Variants in FOXJ3 observed in about 807,000 individuals in gnomAD.
The protein encoded by FOXJ3 is forkhead box J3.
Under a neutral mutation model 76.1 loss-of-function variants are expected in FOXJ3, and 22 were observed. That is an observed-to-expected ratio of 0.29 (90% CI 0.21 to 0.41). FOXJ3 has a LOEUF of 0.41. FOXJ3 is among the 10% of genes least tolerant of loss of function. The pLI is 1.00. For missense variants in FOXJ3, 613 were observed against 762.1 expected (o/e 0.80, Z 2.30); for synonymous variants, 269 against 261.2 (o/e 1.03, Z -0.29).
At chr1:42,271,975 T>C (rs1292967518) in intron 3 of FOXJ3, among the ~76,000 whole-genome samples, 1 of 152,314 alleles carries the variant, frequency 6.6e-6, no homozygotes, top group African/African-American at 2.4e-5. Context: ...TTCCTTTTCC[T>C]CTAGTTCAGA....
intron 2 of FOXJ3, among the ~76,000 whole-genome samples, chr1:42,293,507 CAAT>C (rs1486852774): frequency 6.6e-6 from 1 of 152,116 alleles, no homozygotes. Flanking sequence ...ATCTGAAAAG[CAAT>C]AATAATAATC....
chr1:42,255,292 A>G (rs1250261943), intron 4 of FOXJ3, among the ~76,000 whole-genome samples: 3 of 152,132 alleles, frequency 2.0e-5, no homozygotes, highest in Non-Finnish European at 4.4e-5. Context: ...AGGGTAGTAT[A>G]ATATTACCTC....
intron 1 of FOXJ3, among the ~76,000 whole-genome samples, chr1:42,327,528 A>G (rs181503714): frequency 6.6e-6 from 1 of 152,316 alleles, no homozygotes; most frequent in African/African-American, 2.4e-5. Context: ...ACCTACTTCC[A>G]TCATATTGAA....
chr1:42,287,327 G>A (rs1653124406), intron 2 of FOXJ3, among the ~76,000 whole-genome samples: 1 of 151,970 alleles, frequency 6.6e-6, no homozygotes, highest in Non-Finnish European at 1.5e-5. Flanking sequence ...GTGACAGAGT[G>A]AGACTCCATC....
intron 2 of FOXJ3, chr1:42,280,489 T>A (rs1204032688): frequency 3.0e-5 from 27 of 896,420 alleles, no homozygotes; most frequent in African/African-American, 6.0e-5. Context: ...CTCTACAATC[T>A]CAACCAGAAA....
chr1:42,243,529 A>C (rs1444585692), intron 4 of FOXJ3, among the ~76,000 whole-genome samples: 1 of 152,336 alleles, frequency 6.6e-6, no homozygotes, highest in South Asian at 2.1e-4. Flanking sequence ...GCCTACAAGA[A>C]ACTTGCTTCA....
intron 7 of FOXJ3, among the ~76,000 whole-genome samples, chr1:42,198,621 C>G (rs1324363860): frequency 5.3e-5 from 8 of 152,218 alleles, no homozygotes; most frequent in Non-Finnish European, 7.3e-5. Flanking sequence ...CCCTTTATAG[C>G]ATGGCTTTTC....
intron 4 of FOXJ3, among the ~76,000 whole-genome samples, chr1:42,230,627 G>C (rs1225386286): frequency 1.3e-5 from 2 of 152,156 alleles, no homozygotes; most frequent in African/African-American, 4.8e-5. Context: ...TTTTCCACTA[G>C]TGGCATCATG....
chr1:42,243,020 G>C (rs958072863), intron 4 of FOXJ3, among the ~76,000 whole-genome samples: 6 of 152,184 alleles, frequency 3.9e-5, no homozygotes, highest in African/African-American at 1.4e-4. Flanking sequence ...CAGACCAGGA[G>C]AGAATGGGAT....
chr1:42,210,653 C>T (rs1646950065), intron 5 of FOXJ3, among the ~76,000 whole-genome samples: 1 of 152,082 alleles, frequency 6.6e-6, no homozygotes, highest in South Asian at 2.1e-4. Flanking sequence ...AGAAAGCCAA[C>T]ACAAGCTGGC....
At chr1:42,286,965 C>A (rs907796244) in intron 2 of FOXJ3, among the ~76,000 whole-genome samples, 1 of 151,816 alleles carries the variant, frequency 6.6e-6, no homozygotes, top group Non-Finnish European at 1.5e-5. Flanking sequence ...TGGAGACCAA[C>A]AATATTTCTT....
chr1:42,252,668 G>A (rs1398879551), intron 4 of FOXJ3, among the ~76,000 whole-genome samples: 1 of 150,912 alleles, frequency 6.6e-6, no homozygotes, highest in African/African-American at 2.4e-5. Context: ...CCTTCTGCTA[G>A]CTTTTGAATG....
At chr1:42,315,040 T>C (rs1242988169) in intron 1 of FOXJ3, among the ~76,000 whole-genome samples, 2 of 152,190 alleles carry the variant, frequency 1.3e-5, no homozygotes, top group Non-Finnish European at 2.9e-5. Flanking sequence ...TGCTACCACA[T>C]AAATGAACCT....
intron 4 of FOXJ3, among the ~76,000 whole-genome samples, chr1:42,252,570 C>A (rs1049823147): frequency 1.3e-5 from 2 of 151,386 alleles, no homozygotes; most frequent in African/African-American, 4.8e-5. Flanking sequence ...TTTCAAAAAA[C>A]CAGCTCCTGG....
intron 2 of FOXJ3, among the ~76,000 whole-genome samples, chr1:42,295,098 A>G (rs1448841872): frequency 6.6e-6 from 1 of 152,142 alleles, no homozygotes; most frequent in African/African-American, 2.4e-5. Flanking sequence ...GTAAACATAC[A>G]TGTTTGTTAC....
chr1:42,186,302 C>T (rs1646434381), intron 11 of FOXJ3, among the ~76,000 whole-genome samples: 1 of 152,022 alleles, frequency 6.6e-6, no homozygotes, highest in African/African-American at 2.4e-5. Flanking sequence ...ATACTTGGAG[C>T]ACCATAATTG....
intron 2 of FOXJ3, among the ~76,000 whole-genome samples, chr1:42,285,362 A>G (rs983021214): frequency 3.7e-4 from 57 of 152,184 alleles, no homozygotes; most frequent in African/African-American, 1.3e-3. Flanking sequence ...CCATGGCACC[A>G]AAACAAGGCA....
At chr1:42,193,415 T>TA (rs1439511385) in intron 8 of FOXJ3, among the ~76,000 whole-genome samples, 1 of 151,324 alleles carries the variant, frequency 6.6e-6, no homozygotes, top group Non-Finnish European at 1.5e-5. Context: ...TTTTTTTTTT[T>TA]AATAGTGTGA....
At chr1:42,229,699 G>T (rs72952355) in intron 4 of FOXJ3, among the ~76,000 whole-genome samples, 3,181 of 152,216 alleles carry the variant, frequency 0.021, 96 homozygotes, top group African/African-American at 0.073. Flanking sequence ...CCTATAAAAT[G>T]CAGATGCTAC....
Sources: allele counts gnomAD v4.1 joint callset (sites outside exome capture counted in the v4.1 genomes callset), GRCh38; gene constraint gnomAD v4.1.1; transcripts MANE v1.5; gene names NCBI Gene and HGNC (gene_info 2026-07-23, HGNC 2026-07-21).